The following ADAMTS18 variants were observed in gnomAD, a reference collection of about 807,000 sequenced individuals.
ADAMTS18 encodes the protein ADAM metallopeptidase with thrombospondin type 1 motif 18, also known as A disintegrin and metalloproteinase with thrombospondin motifs 18.
In ADAMTS18, 157 loss-of-function variants were observed where a neutral mutation model predicts 165.9. The ratio of observed to expected loss-of-function variants is 0.95; its 90% CI spans 0.83 to 1.08. ADAMTS18 has a LOEUF of 1.08. ADAMTS18 is among the 50% of genes least tolerant of loss of function. The probability of loss-of-function intolerance (pLI) is 0.00; values close to 1 mark genes in which losing one functional copy is unlikely to be tolerated. For missense variants in ADAMTS18, 2,040 were observed against 1,534.0 expected, an observed-to-expected ratio of 1.33 and a Z score of -5.51; for synonymous variants, 782 against 578.2, an observed-to-expected ratio of 1.35 and a Z score of -5.06.
At chr16:77,390,531 A>G (rs1254880441) in intron 3 of ADAMTS18, among the ~76,000 whole-genome samples, 1 of 152,078 alleles carries the variant, frequency 6.6e-6, no homozygotes, top group Non-Finnish European at 1.5e-5. Flanking sequence ...CTCTACTAAA[A>G]ACACAAAAAT....
Position 77,344,058 on chromosome 16 carries a change from C to G in ADAMTS18, c.1615-2259G>C, listed in dbSNP as rs546453170. ...TGCTTAGAAATATTACACAAACACT[C>G]AAAAAAAAAAGCTTTCCATGGGACT... On this transcript the variant is annotated intron_variant, in intron 10 of 22. Transcript: ENST00000282849. Among the ~76,000 whole-genome samples the G allele has an allele frequency of 5.3e-4, 71 of 135,060 alleles. 1 individual carries two copies. The highest frequency in any genetic ancestry group is 1.8e-3 in the African/African-American group (64 of 36,504). 88.6% of individuals were successfully genotyped at this position (135,060 alleles called of 152,430 possible).
chr16:77,286,075 C>T (rs2055244862), intron 22 of ADAMTS18, among the ~76,000 whole-genome samples: 1 of 152,156 alleles, frequency 6.6e-6, no homozygotes, highest in Non-Finnish European at 1.5e-5. Context: ...TCCCACTTTT[C>T]ATGTATTGCT....
Position 77,293,258 on chromosome 16 carries a change from A to G in ADAMTS18, c.3007T>C (p.Cys1003Arg). 2 of 1,613,570 alleles carry G rather than the reference A, an allele frequency of 1.2e-6. No homozygotes were observed. Among genetic ancestry groups the G allele is most frequent in the Non-Finnish European group, 1.7e-6 (2 of 1,179,782 alleles). ...ACCCCTCGTCCACAGGTCTTGGAAC[A>G]CTTGAGAAGACAAAAAAGTTCTATT... Reference protein sequence around the residue: ...PQWSLGPWSQCSKTCGRGVRK... With the variant: ...PQWSLGPWSQRSKTCGRGVRK... Residue 1003 changes from cysteine (C) to arginine (R), a missense_variant and splice_region_variant, in exon 20 of 23, where the codon TGT (cysteine) becomes CGT (arginine). Coordinates refer to ENST00000282849, the MANE Select transcript of ADAMTS18 (RefSeq NM_199355.4).
At chr16:77,407,955 G>A (rs185724796) in intron 3 of ADAMTS18, among the ~76,000 whole-genome samples, 2 of 152,068 alleles carry the variant, frequency 1.3e-5, no homozygotes, top group South Asian at 4.2e-4. Flanking sequence ...TTATTAAAAA[G>A]CCATTAAAAG....
At chr16:77,337,347 G>T (rs1041258901) in intron 11 of ADAMTS18, among the ~76,000 whole-genome samples, 8 of 152,192 alleles carry the variant, frequency 5.3e-5, no homozygotes, top group African/African-American at 1.9e-4. Context: ...GCAGCCACAG[G>T]TTATCAAGCT....
intron 10 of ADAMTS18, among the ~76,000 whole-genome samples, chr16:77,348,606 C>T (rs904748505): frequency 6.6e-6 from 1 of 152,168 alleles, no homozygotes; most frequent in African/African-American, 2.4e-5. Context: ...ACATCTTCCA[C>T]TTTATGGAAG....
In ADAMTS18 at chr16:77,289,339, T is replaced by C. The variant is rs763128622; in HGVS notation, c.3475A>G (p.Ser1159Gly). ...HCVQQGRPSSSCLLHQKPPVL... is the reference protein window; with the variant it reads ...HCVQQGRPSSGCLLHQKPPVL... Reference sequence around the variant, plus strand: ...GGAGGTTTCTGATGGAGCAGACAACTTGAGGAAGGCCGGCCTTGCTGAACA... The same window carrying C: ...GGAGGTTTCTGATGGAGCAGACAACCTGAGGAAGGCCGGCCTTGCTGAACA... Residue 1159 changes from serine to glycine, a missense_variant, in exon 22 of 23, where the codon AGT becomes GGT. By Grantham distance (56) the Ser-to-Gly change is moderately conservative (BLOSUM62 0). Transcript: ENST00000282849. 6 of 1,613,942 alleles carry C rather than the reference T, an allele frequency of 3.7e-6. No homozygotes were observed. The highest frequency in any genetic ancestry group is 4.2e-6 in the Non-Finnish European group (5 of 1,180,000).
intron 10 of ADAMTS18, among the ~76,000 whole-genome samples, chr16:77,345,180 T>G (rs1327090413): frequency 2.0e-5 from 3 of 152,182 alleles, no homozygotes; most frequent in Non-Finnish European, 2.9e-5. Context: ...CCCCTTCAAG[T>G]AAAACCTGAC....
intron 9 of ADAMTS18, 25 bp downstream of exon 9, chr16:77,355,915 C>A (rs768026294): frequency 8.1e-6 from 13 of 1,613,764 alleles, no homozygotes; most frequent in Non-Finnish European, 1.0e-5. Flanking sequence ...AACCTAGGAG[C>A]ACCCCAGGAT....
At chr16:77,296,622 C>G (rs778730369) in intron 18 of ADAMTS18, among the ~76,000 whole-genome samples, 6 of 152,138 alleles carry the variant, frequency 3.9e-5, no homozygotes, top group Non-Finnish European at 7.3e-5. Context: ...TCACTTGAGG[C>G]CAGCCTGGCC....
At position 77,295,052 on chromosome 16, in the gene ADAMTS18, C is replaced by T; in HGVS notation, c.2877G>A (p.Val959=). 1 of 1,614,190 alleles carries T rather than the reference C, an allele frequency of 6.2e-7. No homozygotes were observed. The highest frequency in any genetic ancestry group is 8.5e-7 in the Non-Finnish European group (1 of 1,180,044). ...CCTCCTTTTGGAAGGGCTTCTTTTG[C>T]ACACACTGGATCTTTCGGCTCTGCT... ...GGQQSRKIQC[V]QKKPFQKEEA... Residue 959 remains valine, a synonymous_variant, in exon 19 of 23, where the codon GTG becomes GTA. Transcript: ENST00000282849.
chr16:77,300,146 C>T, intron 17 of ADAMTS18, 117 bp downstream of exon 17: 1 of 1,247,844 alleles, frequency 8.0e-7, no homozygotes. Context: ...TGATGGTTCT[C>T]ATAAAAGACA....
chr16:77,415,444 C>G (rs1345990024), intron 3 of ADAMTS18, among the ~76,000 whole-genome samples: 1 of 152,204 alleles, frequency 6.6e-6, no homozygotes, highest in Admixed American at 6.5e-5. Context: ...ACCCTACTCT[C>G]AGGGGGCAAG....
intron 3 of ADAMTS18, among the ~76,000 whole-genome samples, chr16:77,397,825 T>G (rs1567539860): frequency 6.6e-6 from 1 of 152,166 alleles, no homozygotes; most frequent in Non-Finnish European, 1.5e-5. Context: ...ACCTTGATCC[T>G]GAAAAACTGA....
chr16:77,350,059 G>A (rs2056533288), intron 10 of ADAMTS18, among the ~76,000 whole-genome samples: 1 of 152,214 alleles, frequency 6.6e-6, no homozygotes, highest in African/African-American at 2.4e-5. Context: ...GTCTGTGACA[G>A]CGCTTGGGAC....
At chr16:77,308,573 A>C (rs1234396648) in intron 16 of ADAMTS18, among the ~76,000 whole-genome samples, 2 of 43,838 alleles carry the variant, frequency 4.6e-5, no homozygotes, top group Non-Finnish European at 8.9e-5. Context: ...ACCTTAGCTA[A>C]TCATGAAAAA....
At chr16:77,387,673 T>C (rs1054598235) in intron 3 of ADAMTS18, among the ~76,000 whole-genome samples, 2 of 152,138 alleles carry the variant, frequency 1.3e-5, no homozygotes, top group Non-Finnish European at 2.9e-5. Context: ...ATTAAGAAAA[T>C]CAGCAGCTGG....
At chr16:77,390,050 G>C (rs921880712) in intron 3 of ADAMTS18, among the ~76,000 whole-genome samples, 7 of 152,120 alleles carry the variant, frequency 4.6e-5, no homozygotes, top group African/African-American at 4.8e-5. Context: ...AGGACTTTGA[G>C]CTTTACCCTA....
rs185829844 is a variant in ADAMTS18 at position 77,371,651 on chromosome 16, T to C, written c.496-3928A>G. On this transcript the variant is annotated intron_variant, in intron 3 of 22. Transcript: ENST00000282849. ...ACTCAAAGTGGATTAAAGACTTAAG[T>C]AAGAGATATGAAACTACTAGAAGAA... 5.4e-3 allele frequency among the ~76,000 whole-genome samples: 818 copies of C among 152,230 alleles called. 5 individuals carry two copies. Among genetic ancestry groups the C allele is most frequent in the African/African-American group, 0.014 (601 of 41,550 alleles).
Sources: allele counts gnomAD v4.1 joint callset (sites outside exome capture counted in the v4.1 genomes callset), GRCh38; gene constraint gnomAD v4.1.1; transcripts MANE v1.5; gene names NCBI Gene and HGNC (gene_info 2026-07-23, HGNC 2026-07-21).